Variants in C4orf17 observed in about 807,000 individuals in gnomAD.
C4orf17 encodes the protein chromosome 4 open reading frame 17.
A neutral mutation model predicts 32.0 loss-of-function variants in C4orf17; 25 were observed. That is an observed-to-expected ratio of 0.78 (90% confidence interval 0.57 to 1.09). The LOEUF is 1.09. Among genes scored for constraint, C4orf17 ranks in the 50% least tolerant of loss-of-function variants. The pLI, the probability that C4orf17 is intolerant of heterozygous loss-of-function variation, is 0.00. For synonymous variants in C4orf17, 149 were observed against 145.8 expected (o/e 1.02, Z -0.16); for missense variants, 420 against 420.0 (o/e 1.00, Z 0.00).
At chr4:99,535,233 G>A (rs926534124) in intron 5 of C4orf17, among the ~76,000 whole-genome samples, 1 of 152,074 alleles carries the variant, frequency 6.6e-6, no homozygotes, top group African/African-American at 2.4e-5. Context: ...ATCTTCTCAT[G>A]GAGTATCTTA....
chr4:99,541,323 C>T (rs1723648272), intron 8 of C4orf17: 1 of 152,542 alleles, frequency 6.6e-6, no homozygotes. Context: ...TTGTATCTGG[C>T]CTCTCCTACC....
chr4:99,516,361 T>C (rs1174119092), intron 2 of C4orf17, among the ~76,000 whole-genome samples: 2 of 152,338 alleles, frequency 1.3e-5, no homozygotes, highest in South Asian at 2.1e-4. Flanking sequence ...TAGAAATCCA[T>C]GTCTGAGTCT....
At chr4:99,513,313 C>G in intron 2 of C4orf17, 105 bp downstream of exon 2, 2 of 1,397,980 alleles carry the variant, frequency 1.4e-6, no homozygotes, top group Admixed American at 3.5e-5. Context: ...TATTTAACCA[C>G]TGGAGAGGTA....
chr4:99,540,113 A>C (rs1287057119), intron 7 of C4orf17, among the ~76,000 whole-genome samples: 1 of 152,142 alleles, frequency 6.6e-6, no homozygotes, highest in African/African-American at 2.4e-5. Context: ...AAGACAAAAA[A>C]ATTGTATTAC....
intron 1 of C4orf17, among the ~76,000 whole-genome samples, chr4:99,511,616 T>C (rs1233696522): frequency 6.6e-6 from 1 of 152,140 alleles, no homozygotes; most frequent in South Asian, 2.1e-4. Flanking sequence ...TAATGGCAAA[T>C]CTGGGACCAT....
intron 2 of C4orf17, among the ~76,000 whole-genome samples, chr4:99,520,444 T>C (rs1217694597): frequency 6.6e-6 from 1 of 152,196 alleles, no homozygotes; most frequent in Non-Finnish European, 1.5e-5. Context: ...GAAAAACAAA[T>C]AGTATTACAT....
At chr4:99,518,705 C>A (rs1476769899) in intron 2 of C4orf17, among the ~76,000 whole-genome samples, 1 of 150,366 alleles carries the variant, frequency 6.7e-6, no homozygotes, top group Non-Finnish European at 1.5e-5. Flanking sequence ...TATTATGTGG[C>A]CTCATCTCCT....
At chr4:99,517,698 C>T (rs1236242776) in intron 2 of C4orf17, among the ~76,000 whole-genome samples, 1 of 152,208 alleles carries the variant, frequency 6.6e-6, no homozygotes, top group East Asian at 1.9e-4. Flanking sequence ...ACAGCTCAGT[C>T]CTTGGCTGTT....
At chr4:99,536,119 G>C (rs190267737) in intron 5 of C4orf17, 70 of 341,584 alleles carry the variant, frequency 2.0e-4, no homozygotes, top group Middle Eastern at 2.0e-3. Flanking sequence ...TCCTAGGGGG[G>C]TACTGAGCTG....
intron 3 of C4orf17, among the ~76,000 whole-genome samples, chr4:99,523,813 A>G (rs1723337129): frequency 6.6e-6 from 1 of 152,060 alleles, no homozygotes; most frequent in Non-Finnish European, 1.5e-5. Context: ...TAGGGTTGAG[A>G]GGCTGATAAA....
At chr4:99,513,406 T>C (rs1214480202) in intron 2 of C4orf17, among the ~76,000 whole-genome samples, 198 bp downstream of exon 2, 6 of 152,192 alleles carry the variant, frequency 3.9e-5, no homozygotes, top group Non-Finnish European at 5.9e-5. Flanking sequence ...GCAGTCCCTC[T>C]CTGTGTTGGA....
Position 99,526,848 on chromosome 4 carries a change from C to T in C4orf17, c.402+2263C>T, listed in dbSNP as rs969050331. Among the ~76,000 whole-genome samples the T allele has an allele frequency of 9.9e-5, 15 of 151,858 alleles. No individual in the cohort carries two copies. The East Asian group carries it at 1.9e-3, about 20-fold the overall frequency. ...TCTCTCATTCCTGATTTTGGCAATT[C>T]GTGTCTTGTAGCTAGAGGTTTGTGA... On this transcript the variant is annotated intron_variant, in intron 4 of 8. Coordinates refer to ENST00000326581, the MANE Select transcript of C4orf17 (RefSeq NM_032149.3).
intron 5 of C4orf17, among the ~76,000 whole-genome samples, chr4:99,532,000 A>G (rs1389974978): frequency 6.6e-6 from 1 of 152,166 alleles, no homozygotes; most frequent in Non-Finnish European, 1.5e-5. Flanking sequence ...GAGAAACATA[A>G]TTCCGTGTCT....
At chr4:99,515,267 TTCACAGC>T (rs1180758019) in intron 2 of C4orf17, among the ~76,000 whole-genome samples, 1 of 152,146 alleles carries the variant, frequency 6.6e-6, no homozygotes, top group Non-Finnish European at 1.5e-5. Flanking sequence ...TGCAGCGCTA[TTCACAGC>T]AGCAAAGACA....
At position 99,541,892 on chromosome 4, in the gene C4orf17, T is replaced by G. The variant is rs1375492933; in HGVS notation, c.881-18T>G. 6.3e-7 allele frequency: 1 copy of G among 1,586,472 alleles called. No individual in the cohort carries two copies. Among genetic ancestry groups the G allele is most frequent in the African/African-American group, 1.4e-5 (1 of 73,962 alleles). On this transcript the variant is annotated intron_variant, in intron 8 of 8. Transcript: ENST00000326581. ...TGTCTCAATTATGGTCTTATTTAGATTTTTTTCTCTATTTCAGAGGCTGAG... is the reference window on the plus strand; with the variant it reads ...TGTCTCAATTATGGTCTTATTTAGAGTTTTTTCTCTATTTCAGAGGCTGAG...
At chr4:99,514,011 C>A (rs1723137400) in intron 2 of C4orf17, among the ~76,000 whole-genome samples, 2 of 151,988 alleles carry the variant, frequency 1.3e-5, no homozygotes, top group African/African-American at 4.8e-5. Flanking sequence ...TGTGATACCA[C>A]CCCCGACAAA....
At chr4:99,521,676 G>GA (rs1193884886) in intron 2 of C4orf17, among the ~76,000 whole-genome samples, 1 of 152,182 alleles carries the variant, frequency 6.6e-6, no homozygotes, top group Non-Finnish European at 1.5e-5. Flanking sequence ...AGCAAGTGTA[G>GA]AAAACACTAT....
chr4:99,532,556 G>C (rs1723493282), intron 5 of C4orf17, among the ~76,000 whole-genome samples: 1 of 152,108 alleles, frequency 6.6e-6, no homozygotes, highest in Admixed American at 6.6e-5. Context: ...AAATGTAGGA[G>C]GAAGGAAGGA....
intron 5 of C4orf17, among the ~76,000 whole-genome samples, chr4:99,530,508 C>G (rs1723461783): frequency 6.7e-6 from 1 of 149,004 alleles, no homozygotes; most frequent in Admixed American, 6.7e-5. Flanking sequence ...CGTCAGTCAG[C>G]TGATATTTGT....
Sources: allele counts gnomAD v4.1 joint callset (sites outside exome capture counted in the v4.1 genomes callset), GRCh38; gene constraint gnomAD v4.1.1; transcripts MANE v1.5; gene names NCBI Gene and HGNC (gene_info 2026-07-23, HGNC 2026-07-21).